The following RNF216 variants were observed in gnomAD, a reference collection of about 807,000 sequenced individuals.
RNF216 encodes the protein ring finger protein 216.
Under a neutral mutation model 110.8 loss-of-function variants are expected in RNF216, and 72 were observed. The observed-to-expected ratio is 0.65, with a 90% CI of 0.54 to 0.79. The LOEUF (loss-of-function observed/expected upper bound fraction) is 0.79. Among genes scored for constraint, RNF216 ranks in the 30% least tolerant of loss-of-function variants. RNF216 has a pLI of 0.00. For synonymous variants in RNF216, 495 were observed against 407.5 expected (o/e 1.21, Z -2.59); for missense variants, 1,342 against 1,141.2 (o/e 1.18, Z -2.54).
At chr7:5,741,852 T>C in intron 3 of RNF216, 37 bp from the exon 4 acceptor site, 3 of 1,557,482 alleles carry the variant, frequency 1.9e-6, no homozygotes, top group African/African-American at 1.4e-5. Context: ...TCAATTTCTT[T>C]CCTATGCCTA....
In RNF216 at chr7:5,622,969, A is replaced by G. The variant is rs1449103875; in HGVS notation, c.2663T>C (p.Val888Ala). 3 of 1,613,948 alleles carry G rather than the reference A, an allele frequency of 1.9e-6. No individual in the cohort carries two copies. In the Admixed American group the frequency reaches 5.0e-5, roughly 27 times the overall value. ...LNMGPIPAPY[V>A]PPLPNVRVNY... ...GACCCGCACGTTGGGCAGAGGGGGC[A>G]CGTACGGGGCTGGGATAGGCCCCAT... Residue 888 changes from valine (V) to alanine (A), a missense_variant, in exon 17 of 17, where the codon GTG becomes GCG. Transcript: ENST00000389902.
At chr7:5,779,544 G>A (rs780464199) in intron 1 of RNF216, among the ~76,000 whole-genome samples, 1 of 151,670 alleles carries the variant, frequency 6.6e-6, no homozygotes, top group East Asian at 1.9e-4. Context: ...TTCTCAGCGC[G>A]TAAAGAATGT....
intron 2 of RNF216, among the ~76,000 whole-genome samples, chr7:5,759,799 T>G (rs1296976495): frequency 2.0e-5 from 3 of 151,940 alleles, no homozygotes; most frequent in Non-Finnish European, 2.9e-5. Flanking sequence ...GCCCAGCTAA[T>G]TTTTGTATTT....
chr7:5,641,278 C>T lies in RNF216; in HGVS notation c.2258G>A (p.Gly753Asp), dbSNP rs757802792. ...EGCNRMSCRC[G>D]AQMCYLCRVS... is the part of the protein sequence containing the mutation. ...TCGACAGAGGTAGCACATCTGGGCACCACAGCGGCAAGACATGCGGTTGCA... is the reference window on the plus strand; with the variant it reads ...TCGACAGAGGTAGCACATCTGGGCATCACAGCGGCAAGACATGCGGTTGCA... Residue 753 changes from glycine to aspartate, a missense_variant, in exon 15 of 17, where the codon GGT becomes GAT. Gly to Asp is a moderately conservative substitution (Grantham distance 94, BLOSUM62 -1). Transcript: ENST00000389902. 20 of 1,614,104 alleles carry T rather than the reference C, an allele frequency of 1.2e-5. No individual in the cohort carries two copies. The highest frequency in any genetic ancestry group is 2.2e-5 in the East Asian group (1 of 44,878).
chr7:5,637,913 T>C (rs1787494109), intron 15 of RNF216, among the ~76,000 whole-genome samples: 1 of 152,198 alleles, frequency 6.6e-6, no homozygotes, highest in Non-Finnish European at 1.5e-5. Flanking sequence ...TGGCGCGATC[T>C]TGGCTCACTG....
chr7:5,635,154 CCAGTCCCATG>C (rs372227558), intron 15 of RNF216, among the ~76,000 whole-genome samples: 111 of 152,258 alleles, frequency 7.3e-4, no homozygotes, highest in African/African-American at 2.6e-3. Context: ...GCACTGCCTC[CCAGTCCCATG>C]CAGTAAAAAT....
At chr7:5,687,746 G>A (rs1422366861) in intron 13 of RNF216, among the ~76,000 whole-genome samples, 1 of 152,214 alleles carries the variant, frequency 6.6e-6, no homozygotes, top group African/African-American at 2.4e-5. Context: ...TAAGGAAGGA[G>A]AAGATAAGTG....
At chr7:5,637,396 T>C (rs1787459870) in intron 15 of RNF216, among the ~76,000 whole-genome samples, 1 of 152,234 alleles carries the variant, frequency 6.6e-6, no homozygotes, top group South Asian at 2.1e-4. Context: ...ATAAGCTTTG[T>C]AATCTGAGTG....
At chr7:5,703,660 A>G (rs1792110242) in intron 13 of RNF216, among the ~76,000 whole-genome samples, 1 of 152,256 alleles carries the variant, frequency 6.6e-6, no homozygotes, top group South Asian at 2.1e-4. Context: ...AATACAAGTG[A>G]CATTGGGAAA....
chr7:5,748,472 C>G (rs947242917), intron 3 of RNF216, among the ~76,000 whole-genome samples: 2 of 152,192 alleles, frequency 1.3e-5, no homozygotes, highest in African/African-American at 4.8e-5. Context: ...CTTGGCCAGA[C>G]TGGTCTTGAA....
At chr7:5,708,713 G>A (rs909435952) in intron 13 of RNF216, among the ~76,000 whole-genome samples, 2 of 152,116 alleles carry the variant, frequency 1.3e-5, no homozygotes, top group Non-Finnish European at 2.9e-5. Context: ...AGGTATCACA[G>A]GCCCTCTGGA....
chr7:5,656,214 A>G (rs1310031614), intron 13 of RNF216, among the ~76,000 whole-genome samples: 4 of 152,246 alleles, frequency 2.6e-5, no homozygotes, highest in Non-Finnish European at 5.9e-5. Context: ...GGTTGCATTG[A>G]GCTGAGATGG....
intron 3 of RNF216, among the ~76,000 whole-genome samples, chr7:5,744,091 G>T (rs1343055392): frequency 6.6e-6 from 1 of 152,184 alleles, no homozygotes; most frequent in African/African-American, 2.4e-5. Context: ...GTTTCACACA[G>T]TGAAATTAAC....
At chr7:5,738,083 T>C (rs1794532082) in intron 5 of RNF216, among the ~76,000 whole-genome samples, 1 of 57,976 alleles carries the variant, frequency 1.7e-5, no homozygotes, top group African/African-American at 1.1e-4. Flanking sequence ...AATAAGACTG[T>C]CTCCAAAAAA....
intron 15 of RNF216, among the ~76,000 whole-genome samples, chr7:5,625,974 T>G (rs1354295772): frequency 1.3e-5 from 2 of 152,214 alleles, no homozygotes; most frequent in Non-Finnish European, 2.9e-5. Flanking sequence ...TCAAGTCTGT[T>G]TTCAGCAAAA....
intron 12 of RNF216, 72 bp from the exon 13 acceptor site, chr7:5,711,911 T>G: frequency 7.4e-7 from 1 of 1,349,086 alleles, no homozygotes; most frequent in Non-Finnish European, 1.1e-6. Flanking sequence ...TCCATGTGGC[T>G]GTTCATATGA....
chr7:5,776,421 A>T (rs997450399), intron 1 of RNF216, among the ~76,000 whole-genome samples: 4 of 101,602 alleles, frequency 3.9e-5, no homozygotes, highest in African/African-American at 2.7e-4. Flanking sequence ...GTCTCTACTT[A>T]AAAAAAAAAA....
intron 15 of RNF216, among the ~76,000 whole-genome samples, chr7:5,629,818 C>A (rs983640167): frequency 3.1e-4 from 34 of 108,100 alleles, no homozygotes; most frequent in African/African-American, 1.3e-3. Context: ...CAGAGCAAGA[C>A]TCTGTCTCAA....
Position 5,721,066 on chromosome 7 carries a change from C to T in RNF216, c.1611G>A (p.Glu537=), listed in dbSNP as rs763928750. The change falls in exon 9 of 17, where the codon GAG becomes GAA. Residue 537 remains glutamate, a synonymous_variant. Coordinates refer to ENST00000389902, the MANE Select transcript of RNF216 (RefSeq NM_207111.4). ...TCTCTTTGATTTTCTGCTCATAGAA[C>T]TCCTGCTCTTGTTGCACAGCTGGAA... ...ALLPAVQQEQ[E]FYEQKIKEMA... The T allele has an allele frequency of 4.3e-6, 7 of 1,614,096 alleles. No homozygotes were observed. In the East Asian group the frequency reaches 1.3e-4, roughly 31 times the overall value.
Sources: gnomAD v4.1 joint callset for allele counts (sites outside exome capture counted in the v4.1 genomes callset) on GRCh38, gnomAD v4.1.1 for gene constraint, MANE v1.5 for transcripts, NCBI Gene and HGNC (gene_info 2026-07-23, HGNC 2026-07-21) for gene names.